Variants in SPAG16 observed in about 807,000 individuals in gnomAD.
SPAG16 encodes the protein sperm associated antigen 16, also known as sperm-associated antigen 16 protein.
SPAG16 carries 86 observed loss-of-function variants against 80.4 expected under a neutral mutation model. The observed-to-expected ratio is 1.07, with a 90% CI of 0.90 to 1.28. The LOEUF is 1.28. Among genes scored for constraint, SPAG16 ranks in the 50% most tolerant of loss-of-function variants. SPAG16 has a pLI of 0.00. For synonymous variants in SPAG16, 294 were observed against 265.9 expected (o/e 1.11, Z -1.03); for missense variants, 870 against 765.3 (o/e 1.14, Z -1.61).
intron 10 of SPAG16, among the ~76,000 whole-genome samples, chr2:213,634,082 G>C (rs2062263705): frequency 6.6e-6 from 1 of 151,970 alleles, no homozygotes; most frequent in African/African-American, 2.4e-5. Context: ...TTTTTGGGTT[G>C]TTTTGTGGTC....
chr2:214,172,870 C>G (rs539966306), intron 15 of SPAG16, among the ~76,000 whole-genome samples: 1 of 152,094 alleles, frequency 6.6e-6, no homozygotes, highest in Non-Finnish European at 1.5e-5. Context: ...AACATTTTTT[C>G]ATGTGTTTTT....
intron 13 of SPAG16, among the ~76,000 whole-genome samples, chr2:214,046,417 A>T (rs568985105): frequency 6.6e-6 from 1 of 152,352 alleles, no homozygotes; most frequent in South Asian, 2.1e-4. Context: ...GTACAAGTCA[A>T]TGTCACTGAT....
At chr2:213,595,749 G>GT (rs938231016) in intron 10 of SPAG16, among the ~76,000 whole-genome samples, 10 of 151,706 alleles carry the variant, frequency 6.6e-5, no homozygotes, top group African/African-American at 1.5e-4. Context: ...ACATTCTGAG[G>GT]TTTTTTTTAC....
chr2:213,524,912 G>T (rs2075829872), intron 10 of SPAG16, among the ~76,000 whole-genome samples: 2 of 152,130 alleles, frequency 1.3e-5, no homozygotes, highest in African/African-American at 4.8e-5. Flanking sequence ...GGGCATGATT[G>T]TGTTTTGAAA....
intron 4 of SPAG16, among the ~76,000 whole-genome samples, chr2:213,310,524 G>A (rs1193131763): frequency 6.6e-6 from 1 of 151,774 alleles, no homozygotes; most frequent in Non-Finnish European, 1.5e-5. Flanking sequence ...TAATATTTTT[G>A]TATAATTATT....
intron 7 of SPAG16, among the ~76,000 whole-genome samples, chr2:213,352,947 C>G (rs2065415594): frequency 2.0e-5 from 3 of 152,206 alleles, no homozygotes; most frequent in African/African-American, 2.4e-5. Flanking sequence ...ATTATATTAA[C>G]TGAATGTTTA....
intron 11 of SPAG16, among the ~76,000 whole-genome samples, chr2:213,871,302 G>A (rs187712506): frequency 2.3e-4 from 35 of 152,102 alleles, no homozygotes; most frequent in Admixed American, 2.2e-3. Context: ...GGGGGGAGAG[G>A]AGGGAATGTT....
intron 13 of SPAG16, among the ~76,000 whole-genome samples, chr2:214,016,005 G>T (rs1380821022): frequency 6.6e-6 from 1 of 152,104 alleles, no homozygotes; most frequent in Non-Finnish European, 1.5e-5. Flanking sequence ...TGAAGATTAT[G>T]TGGGGAGGAG....
At chr2:213,556,693 G>C (rs752736581) in intron 10 of SPAG16, among the ~76,000 whole-genome samples, 1 of 152,010 alleles carries the variant, frequency 6.6e-6, no homozygotes, top group African/African-American at 2.4e-5. Flanking sequence ...ATCCAGACTA[G>C]AAAAATAATA....
chr2:213,297,231 C>G (rs1474881237), intron 2 of SPAG16, 31 bp from the exon 3 acceptor site: 2 of 1,548,456 alleles, frequency 1.3e-6, no homozygotes, highest in Non-Finnish European at 1.8e-6. Flanking sequence ...TCTGCTCACT[C>G]TTCCTATCCT....
chr2:213,461,498 C>A (rs1413052032), intron 9 of SPAG16, among the ~76,000 whole-genome samples: 2 of 152,020 alleles, frequency 1.3e-5, no homozygotes, highest in Non-Finnish European at 2.9e-5. Context: ...ATTTGTTAAG[C>A]AGGGAGACAT....
intron 15 of SPAG16, among the ~76,000 whole-genome samples, chr2:214,270,530 A>G (rs1034163515): frequency 9.9e-5 from 15 of 152,096 alleles, no homozygotes; most frequent in Non-Finnish European, 1.5e-5. Flanking sequence ...AATGGAACTC[A>G]CGAGCCTCTA....
intron 10 of SPAG16, among the ~76,000 whole-genome samples, chr2:213,609,059 A>G (rs767972676): frequency 6.6e-6 from 1 of 152,256 alleles, no homozygotes; most frequent in Non-Finnish European, 1.5e-5. Flanking sequence ...AAAGATCTCT[A>G]TAAAAATTAC....
At chr2:214,218,547 A>C (rs1275423220) in intron 15 of SPAG16, among the ~76,000 whole-genome samples, 2 of 152,122 alleles carry the variant, frequency 1.3e-5, no homozygotes, top group Non-Finnish European at 2.9e-5. Context: ...TCTGGTCTGT[A>C]CTCATTTGGC....
At chr2:213,683,412 A>T (rs1453285707) in intron 10 of SPAG16, among the ~76,000 whole-genome samples, 1 of 152,128 alleles carries the variant, frequency 6.6e-6, no homozygotes, top group South Asian at 2.1e-4. Flanking sequence ...TTAGCTGAGC[A>T]TGGTGGCATG....
chr2:213,964,585 G>A (rs965681671), intron 12 of SPAG16, among the ~76,000 whole-genome samples: 5 of 151,924 alleles, frequency 3.3e-5, no homozygotes, highest in Middle Eastern at 6.8e-3. Context: ...TCAGATAAGA[G>A]GTCAGCTGTT....
At chr2:213,942,130 C>A (rs1314440703) in intron 12 of SPAG16, among the ~76,000 whole-genome samples, 1 of 152,012 alleles carries the variant, frequency 6.6e-6, no homozygotes, top group Non-Finnish European at 1.5e-5. Context: ...AATTTCTTGC[C>A]CCTCTCTTCT....
chr2:213,567,041 T>G (rs1265761611), intron 10 of SPAG16, among the ~76,000 whole-genome samples: 1 of 152,162 alleles, frequency 6.6e-6, no homozygotes, highest in African/African-American at 2.4e-5. Flanking sequence ...CTGGCTTATC[T>G]TGAGCTGTTG....
chr2:213,465,677 C>G (rs1441359667), intron 9 of SPAG16, among the ~76,000 whole-genome samples: 3 of 152,190 alleles, frequency 2.0e-5, no homozygotes, highest in Non-Finnish European at 4.4e-5. Flanking sequence ...GTATAAATGG[C>G]TAAGTTCTTC....
Sources: gnomAD v4.1 joint callset for allele counts (sites outside exome capture counted in the v4.1 genomes callset) on GRCh38, gnomAD v4.1.1 for gene constraint, MANE v1.5 for transcripts, NCBI Gene and HGNC (gene_info 2026-07-23, HGNC 2026-07-21) for gene names.